SLCO3A1: variants seen among roughly 807,000 people sequenced by gnomAD.
SLCO3A1 encodes solute carrier organic anion transporter family member 3A1.
Under a neutral mutation model 63.1 loss-of-function variants are expected in SLCO3A1, and 27 were observed. The ratio of observed to expected loss-of-function variants is 0.43; its 90% CI spans 0.32 to 0.59. The LOEUF (loss-of-function observed/expected upper bound fraction) is 0.59. SLCO3A1 is among the 20% of genes least tolerant of loss of function. SLCO3A1 has a pLI of 0.09. For synonymous variants in SLCO3A1, 473 were observed against 409.9 expected (o/e 1.15, Z -1.86); for missense variants, 773 against 945.8 (o/e 0.82, Z 2.40).
intron 6 of SLCO3A1, among the ~76,000 whole-genome samples, chr15:92,126,603 T>C (rs1178589414): frequency 6.6e-6 from 1 of 152,192 alleles, no homozygotes; most frequent in Non-Finnish European, 1.5e-5. Context: ...ACAGAATTGA[T>C]TTGATTTCAA....
chr15:91,930,388 A>G (rs967011390), intron 2 of SLCO3A1, among the ~76,000 whole-genome samples: 7 of 152,152 alleles, frequency 4.6e-5, no homozygotes, highest in African/African-American at 1.2e-4. Flanking sequence ...ACCCAGAGAG[A>G]TGTGCGTTGT....
chr15:92,094,821 G>T, intron 2 of SLCO3A1, 60 bp from the exon 3 acceptor site: 1 of 1,058,828 alleles, frequency 9.4e-7, no homozygotes, highest in South Asian at 1.3e-5. Context: ...GACCTTTGGT[G>T]ATTTTGCTCA....
chr15:92,003,884 C>A (rs900820109), intron 2 of SLCO3A1, among the ~76,000 whole-genome samples: 1 of 152,166 alleles, frequency 6.6e-6, no homozygotes, highest in African/African-American at 2.4e-5. Flanking sequence ...CCTGGCAGTG[C>A]TCCCCATCAG....
rs1250532766 is a variant in SLCO3A1 at position 91,854,948 on chromosome 15, GCCT to G, written c.180+865_180+867del. Among the ~76,000 whole-genome samples, 4 of 152,100 alleles carry G rather than the reference GCCT, an allele frequency of 2.6e-5. No individual in the cohort carries two copies. Among genetic ancestry groups the G allele is most frequent in the Non-Finnish European group, 5.9e-5 (4 of 68,034 alleles). Reference sequence around the variant, plus strand: ...GTCAGGTACCTACTTTGTCGCTTTCGCCTCCTCTGCTCAGGTGGTCGCAACTTG... The same window carrying G: ...GTCAGGTACCTACTTTGTCGCTTTCGCCTCTGCTCAGGTGGTCGCAACTTG... On this transcript the variant is annotated intron_variant, in intron 1 of 9. Transcript: ENST00000318445. The surrounding 1 kb of genome is among the most constrained non-coding windows in gnomAD (Gnocchi z 6.4).
chr15:92,081,528 G>T (rs2047346406), intron 2 of SLCO3A1, among the ~76,000 whole-genome samples: 1 of 152,058 alleles, frequency 6.6e-6, no homozygotes, highest in Admixed American at 6.5e-5. Context: ...CCACCACCAT[G>T]CCTGGCTTTT....
chr15:91,987,776 T>C (rs533839230), intron 2 of SLCO3A1, among the ~76,000 whole-genome samples: 4 of 151,274 alleles, frequency 2.6e-5, no homozygotes, highest in East Asian at 1.9e-4. Context: ...TAATTAATTG[T>C]GGTCGCAGCT....
At chr15:92,100,650 C>T (rs2047594563) in intron 3 of SLCO3A1, among the ~76,000 whole-genome samples, 1 of 152,154 alleles carries the variant, frequency 6.6e-6, no homozygotes, top group African/African-American at 2.4e-5. Flanking sequence ...TTATCTAAAA[C>T]AATACTTTTG....
intron 2 of SLCO3A1, among the ~76,000 whole-genome samples, chr15:92,009,392 C>T (rs960966034): frequency 6.6e-6 from 1 of 152,206 alleles, no homozygotes; most frequent in Non-Finnish European, 1.5e-5. Flanking sequence ...TTAGGTGACT[C>T]AGGTTCTGAG....
At chr15:92,048,528 C>T (rs1202973660) in intron 2 of SLCO3A1, among the ~76,000 whole-genome samples, 4 of 152,278 alleles carry the variant, frequency 2.6e-5, no homozygotes, top group South Asian at 4.1e-4. Context: ...TTAGCAGTGT[C>T]CCTGGCCTCT....
At chr15:92,147,423 G>A (rs1306338454) in intron 8 of SLCO3A1, among the ~76,000 whole-genome samples, 1 of 152,074 alleles carries the variant, frequency 6.6e-6, no homozygotes, top group Non-Finnish European at 1.5e-5. Context: ...TTTTGAAAAG[G>A]ATCCTGCATT....
intron 2 of SLCO3A1, among the ~76,000 whole-genome samples, chr15:92,091,910 A>G (rs187547173): frequency 2.4e-4 from 36 of 152,316 alleles, no homozygotes; most frequent in African/African-American, 7.5e-4. Flanking sequence ...AACTCTGGAA[A>G]CCCACACCTT....
intron 2 of SLCO3A1, among the ~76,000 whole-genome samples, chr15:92,094,345 T>C (rs1270805185): frequency 6.6e-6 from 1 of 152,222 alleles, no homozygotes; most frequent in Non-Finnish European, 1.5e-5. Context: ...AAATGTTAGA[T>C]ATTTACCATC....
intron 1 of SLCO3A1, among the ~76,000 whole-genome samples, chr15:91,870,132 T>C (rs989313988): frequency 6.6e-6 from 1 of 152,220 alleles, no homozygotes; most frequent in Non-Finnish European, 1.5e-5. Context: ...AGGTGGACGT[T>C]CGTCTAGTCT....
intron 7 of SLCO3A1, among the ~76,000 whole-genome samples, chr15:92,145,871 G>C (rs565210385): frequency 6.6e-6 from 1 of 152,238 alleles, no homozygotes; most frequent in East Asian, 1.9e-4. Flanking sequence ...GGGGCACAGC[G>C]ATACAGACTG....
At chr15:92,122,325 G>A (rs1035360460) in intron 5 of SLCO3A1, among the ~76,000 whole-genome samples, 7 of 152,238 alleles carry the variant, frequency 4.6e-5, no homozygotes, top group African/African-American at 1.7e-4. Flanking sequence ...GAGTCAGATT[G>A]TCTGCTGAGA....
At chr15:91,986,605 AC>A (rs1178532830) in intron 2 of SLCO3A1, among the ~76,000 whole-genome samples, 1 of 151,940 alleles carries the variant, frequency 6.6e-6, no homozygotes, top group African/African-American at 2.4e-5. Context: ...AAAAAAAAAA[AC>A]TAGGTTTCAA....
At chr15:91,911,466 C>T (rs560919665) in intron 1 of SLCO3A1, among the ~76,000 whole-genome samples, 1 of 152,206 alleles carries the variant, frequency 6.6e-6, no homozygotes, top group East Asian at 1.9e-4. Context: ...CTCACACTCT[C>T]TGGGGGTAAT....
chr15:92,047,601 AT>A lies in SLCO3A1; in HGVS notation c.647-47279del, dbSNP rs1284449570. 2.3e-3 allele frequency among the ~76,000 whole-genome samples: 97 copies of A among 41,894 alleles called. 21 individuals are homozygous for A. Among genetic ancestry groups the A allele is most frequent in the African/African-American group, 5.9e-3 (87 of 14,746 alleles). 27.5% of individuals were successfully genotyped at this position (41,894 alleles called of 152,430 possible). On this transcript the variant is annotated intron_variant, in intron 2 of 9. Transcript: ENST00000318445. ...ATATATAATATATATATAATATATA[AT>A]ATATATATAATATATAAATATATAT...
At position 92,165,427 on chromosome 15, in the gene SLCO3A1, T is replaced by C. The variant is rs905237423; in HGVS notation, c.*2292T>C. On this transcript the variant is annotated 3_prime_UTR_variant, in exon 10 of 10. Coordinates refer to ENST00000318445, the MANE Select transcript of SLCO3A1 (RefSeq NM_013272.4). The stretch of plus-strand genomic sequence containing the variant: ...CTAATAGGTCACTCTTATAGATTAT[T>C]GCTTGGCCCTTCAAACTCAGTACAC... The C allele has an allele frequency of 4.1e-6, 4 of 985,222 alleles. No homozygotes were observed. The highest frequency in any genetic ancestry group is 1.7e-5 in the African/African-American group (1 of 57,232). The allele number at this position is 985,222 out of a possible 1,614,324, so 61.0% of individuals were successfully genotyped here.
Sources: gnomAD v4.1 joint callset for allele counts (sites outside exome capture counted in the v4.1 genomes callset) on GRCh38, gnomAD v4.1.1 for gene constraint, Gnocchi (gnomAD v3.1) non-coding constraint, MANE v1.5 for transcripts, NCBI Gene and HGNC (gene_info 2026-07-23, HGNC 2026-07-21) for gene names.